The following C7orf78 variants were observed in gnomAD, a reference collection of about 807,000 sequenced individuals.
C7orf78 encodes the protein putative uncharacterized protein C7orf78.
chr7:12,531,037 T>C, the C7orf78 span: 7 of 398,366 alleles, frequency 1.8e-5, no homozygotes, highest in Non-Finnish European at 2.7e-5. Context: ...GCGTGATGCA[T>C]ACAGTGCATT....
the C7orf78 span, among the ~76,000 whole-genome samples, chr7:12,516,004 T>A: frequency 6.6e-6 from 1 of 152,198 alleles, no homozygotes; most frequent in East Asian, 1.9e-4. Flanking sequence ...AAATTCAACC[T>A]GGCTGCAGAA....
chr7:12,489,147 TATAGACAAAAAGCA>T, the C7orf78 span, among the ~76,000 whole-genome samples: 4 of 152,154 alleles, frequency 2.6e-5, no homozygotes, highest in South Asian at 8.3e-4. Context: ...CTTGTAACAG[TATAGACAAAAAGCA>T]AGGGACATCT....
the C7orf78 span, among the ~76,000 whole-genome samples, chr7:12,487,531 C>T: frequency 2.0e-3 from 306 of 152,066 alleles, 1 homozygote; most frequent in African/African-American, 6.8e-3. Context: ...TTTCCTGTGA[C>T]CACATAATAA....
the C7orf78 span, chr7:12,526,022 G>A: frequency 1.6e-5 from 6 of 384,046 alleles, no homozygotes; most frequent in Non-Finnish European, 2.8e-5. Flanking sequence ...TTAATAATAC[G>A]GTAAATTTTT....
the C7orf78 span, among the ~76,000 whole-genome samples, chr7:12,515,119 A>G: frequency 6.6e-6 from 1 of 152,098 alleles, no homozygotes; most frequent in South Asian, 2.1e-4. Flanking sequence ...CGCTAACACT[A>G]TGTCTTCATG....
At chr7:12,504,577 G>A in the C7orf78 span, 1 of 152,108 alleles carries the variant, frequency 6.6e-6, no homozygotes, top group Non-Finnish European at 1.5e-5. Flanking sequence ...TCTAATGAAT[G>A]CTCCTGCCTT....
chr7:12,510,144 C>A, the C7orf78 span, among the ~76,000 whole-genome samples: 1 of 146,474 alleles, frequency 6.8e-6, no homozygotes, highest in African/African-American at 2.6e-5. Context: ...TTGGTGGATA[C>A]AGCTTGATTT....
At chr7:12,513,449 T>A in the C7orf78 span, among the ~76,000 whole-genome samples, 1 of 152,178 alleles carries the variant, frequency 6.6e-6, no homozygotes, top group African/African-American at 2.4e-5. Flanking sequence ...TATGTGGTAT[T>A]TTCATTTGCA....
the C7orf78 span, among the ~76,000 whole-genome samples, chr7:12,533,133 G>C: frequency 2.0e-5 from 3 of 152,150 alleles, no homozygotes; most frequent in African/African-American, 4.8e-5. Flanking sequence ...CTTGGTAATT[G>C]GTGGCTCAAC....
chr7:12,511,821 A>G, the C7orf78 span, among the ~76,000 whole-genome samples: 171 of 151,180 alleles, frequency 1.1e-3, no homozygotes, highest in African/African-American at 3.9e-3. Flanking sequence ...GCACGATCTC[A>G]GCTCACTGCA....
At chr7:12,541,328 T>C in the C7orf78 span, 1 of 152,218 alleles carries the variant, frequency 6.6e-6, no homozygotes, top group Non-Finnish European at 1.5e-5. Flanking sequence ...GCAAATTTTA[T>C]CTGTTTGCCT....
At chr7:12,531,403 T>C in the C7orf78 span, among the ~76,000 whole-genome samples, 4 of 152,138 alleles carry the variant, frequency 2.6e-5, no homozygotes, top group African/African-American at 9.7e-5. Context: ...GGCAGATTAA[T>C]GTAGTAGAGT....
At chr7:12,541,633 T>C in the C7orf78 span, 1 of 151,618 alleles carries the variant, frequency 6.6e-6, no homozygotes, top group African/African-American at 2.4e-5. Context: ...TACCAGATGG[T>C]TAGTGATAGT....
At chr7:12,515,994 A>T in the C7orf78 span, among the ~76,000 whole-genome samples, 1 of 152,182 alleles carries the variant, frequency 6.6e-6, no homozygotes, top group African/African-American at 2.4e-5. Context: ...TTCTGAGGAG[A>T]AATTCAACCT....
At chr7:12,502,296 A>G in the C7orf78 span, among the ~76,000 whole-genome samples, 5 of 125,160 alleles carry the variant, frequency 4.0e-5, no homozygotes, top group Non-Finnish European at 6.7e-5. Flanking sequence ...TGAACAGGCA[A>G]CCTACAAAAT....
chr7:12,515,645 T>C, the C7orf78 span, among the ~76,000 whole-genome samples: 1 of 152,200 alleles, frequency 6.6e-6, no homozygotes, highest in African/African-American at 2.4e-5. Flanking sequence ...ACTTGTTGAA[T>C]GGCTTTGATC....
At chr7:12,520,990 AT>A in the C7orf78 span, among the ~76,000 whole-genome samples, 1 of 151,766 alleles carries the variant, frequency 6.6e-6, no homozygotes, top group Non-Finnish European at 1.5e-5. Context: ...CTCTTTTTAC[AT>A]TTTTTTATTT....
the C7orf78 span, among the ~76,000 whole-genome samples, chr7:12,533,927 G>A: frequency 6.6e-6 from 1 of 152,162 alleles, no homozygotes; most frequent in Non-Finnish European, 1.5e-5. Flanking sequence ...GTGTCACTGG[G>A]AAGCATACTT....
At chr7:12,529,422 T>C in the C7orf78 span, among the ~76,000 whole-genome samples, 3 of 152,334 alleles carry the variant, frequency 2.0e-5, no homozygotes, top group South Asian at 6.2e-4. Flanking sequence ...TTTTTATGGT[T>C]ATTTTAAGTA....
Sources: allele counts gnomAD v4.1 joint callset (sites outside exome capture counted in the v4.1 genomes callset), GRCh38; gene constraint gnomAD v4.1.1; transcripts MANE v1.5; gene names NCBI Gene and HGNC (gene_info 2026-07-23, HGNC 2026-07-21).